Variants in ATP2A3 observed in about 807,000 individuals in gnomAD.
The protein encoded by ATP2A3 is sarcoplasmic/endoplasmic reticulum calcium ATPase 3.
Under a neutral mutation model 106.8 loss-of-function variants are expected in ATP2A3, and 61 were observed. The ratio of observed to expected loss-of-function variants is 0.57; its 90% CI spans 0.46 to 0.71. The LOEUF is 0.71. Ranked by LOEUF, ATP2A3 falls within the 30% of genes least tolerant of loss-of-function variation. ATP2A3 has a pLI of 0.00. For missense variants in ATP2A3, 1,201 were observed against 1,423.5 expected (o/e 0.84, Z 2.52); for synonymous variants, 611 against 609.3 (o/e 1.00, Z -0.04).
In ATP2A3 at chr17:3,943,518, T is replaced by C; in HGVS notation, c.1292A>G (p.Lys431Arg). 6.2e-7 allele frequency: 1 copy of C among 1,614,034 alleles called. No individual in the cohort carries two copies. Among genetic ancestry groups the C allele is most frequent in the Non-Finnish European group, 8.5e-7 (1 of 1,179,956 alleles). The change falls in exon 11 of 21, where the codon AAG becomes AGG. Residue 431 changes from lysine (K) to arginine (R), a missense_variant. Physicochemically the swap from Lys to Arg is conservative, Grantham distance 26. This residue lies in a region of ATP2A3 where 935 missense variants were observed against 1,176.7 expected (regional missense o/e 0.79). Transcript: ENST00000397041. Reference sequence around the variant, plus strand: ...CTCTCCCACCTTCTCATACACACCCTTGGCCTGGCAAGGACCCAGGGGATA... The same window carrying C: ...CTCTCCCACCTTCTCATACACACCCCTGGCCTGGCAAGGACCCAGGGGATA... ...NDSALDYNEA[K>R]GVYEKVGEAT...
Position 3,947,433 on chromosome 17 carries a change from G to A in ATP2A3, c.1053C>T (p.Asp351=), listed in dbSNP as rs1266729095. The change falls in exon 8 of 21, where the codon GAC becomes GAT. Residue 351 remains aspartate, a synonymous_variant. Coordinates refer to ENST00000397041, the MANE Select transcript of ATP2A3 (RefSeq NM_005173.4). The surrounding 1 kb of genome is among the most constrained non-coding windows in gnomAD (Gnocchi z 7.7). ...GATTGGTGGTGAGCGTGCCCGTCTT[G>A]TCGGAGCAGATGACTGAGGTGCAGC... ...TLGCTSVICS[D]KTGTLTTNQM... The A allele has an allele frequency of 6.2e-7, 1 of 1,613,812 alleles. No homozygotes were observed. The highest frequency in any genetic ancestry group is 8.5e-7 in the Non-Finnish European group (1 of 1,180,056).
chr17:3,953,021 C>G lies in ATP2A3; in HGVS notation c.219+326G>C, dbSNP rs1186724950. ...CCACCCCGACAAAGAATGATCTGGTCTAAACTATCAGTAGTGCTGAGGCAG... is the reference window on the plus strand; with the variant it reads ...CCACCCCGACAAAGAATGATCTGGTGTAAACTATCAGTAGTGCTGAGGCAG... On this transcript the variant is annotated intron_variant, in intron 3 of 20. Coordinates refer to ENST00000397041, the MANE Select transcript of ATP2A3 (RefSeq NM_005173.4). This position sits in a 1 kb window ranked among gnomAD's most constrained non-coding sequence, Gnocchi z 5.1. Among the ~76,000 whole-genome samples, 2 of 152,144 alleles carry G rather than the reference C, an allele frequency of 1.3e-5. No homozygotes were observed. The highest frequency in any genetic ancestry group is 2.9e-5 in the Non-Finnish European group (2 of 68,024).
At position 3,928,697 on chromosome 17, in the gene ATP2A3, C is replaced by T. The variant is rs865847575; in HGVS notation, c.2946G>A (p.Glu982=). ...GGTTCCGGGACAGGTACTTGAGGGC[C>T]TCATCCAGCAGGATGACAGGCAGAG... The part of the protein sequence containing the change: ...QISLPVILLD[E]ALKYLSRNHM... The change falls in exon 20 of 21, where the codon GAG becomes GAA. Residue 982 remains glutamate, a synonymous_variant. Coordinates refer to ENST00000397041, the MANE Select transcript of ATP2A3 (RefSeq NM_005173.4). This position sits in a 1 kb window ranked among gnomAD's most constrained non-coding sequence, Gnocchi z 6.1. The T allele has an allele frequency of 4.5e-6, 7 of 1,551,402 alleles. No individual in the cohort carries two copies. The highest frequency in any genetic ancestry group is 6.1e-6 in the Non-Finnish European group (7 of 1,147,146).
In ATP2A3 at chr17:3,936,860, G is replaced by T. The variant is rs1052184574; in HGVS notation, c.2322-391C>A. ...AACACCTACATATCTGCCCTGAGGT[G>T]CAGAGATGCAGAATCCATCCATGTC... On this transcript the variant is annotated intron_variant, in intron 15 of 20. Coordinates refer to ENST00000397041, the MANE Select transcript of ATP2A3 (RefSeq NM_005173.4). This position sits in a 1 kb window ranked among gnomAD's most constrained non-coding sequence, Gnocchi z 5.4. The T allele has an allele frequency of 1.5e-5, 5 of 342,590 alleles. No homozygotes were observed. The highest frequency in any genetic ancestry group is 6.4e-5 in the African/African-American group (3 of 47,174). 21.2% of individuals were successfully genotyped at this position (342,590 alleles called of 1,614,324 possible).
intron 7 of ATP2A3, among the ~76,000 whole-genome samples, chr17:3,949,540 C>G (rs1283790707): frequency 6.6e-6 from 1 of 152,194 alleles, no homozygotes; most frequent in Non-Finnish European, 1.5e-5. Context: ...CTGCCCTTCT[C>G]CAGGGGAAGG....
rs1597563195 is a variant in ATP2A3, at chr17:3,928,602, A to G, written c.2980+61T>C. 3 of 1,405,566 alleles carry G rather than the reference A, an allele frequency of 2.1e-6. No individual in the cohort carries two copies. The East Asian group carries it at 7.5e-5, about 35-fold the overall frequency. 87.1% of individuals were successfully genotyped at this position (1,405,566 alleles called of 1,614,324 possible). On this transcript the variant is annotated intron_variant, in intron 20 of 20. Transcript: ENST00000397041. The surrounding 1 kb of genome is among the most constrained non-coding windows in gnomAD (Gnocchi z 6.1). ...GCTCCACACCCACAGCGTCCACTGC[A>G]GCCCAGGAGCAGAGGCGGGCGGGGA...
At chr17:3,954,204 C>T (rs8081473) in intron 1 of ATP2A3, among the ~76,000 whole-genome samples, 23,862 of 152,102 alleles carry the variant, frequency 0.16, 2,079 homozygotes, top group Middle Eastern at 0.21. Flanking sequence ...AGGCGCCTTC[C>T]GCTCACCCTG....
Position 3,947,845 on chromosome 17 carries a change from A to C in ATP2A3, c.641T>G (p.Ile214Ser). ...CACACCCACCGCTTTGCCCGATGTG[A>C]TATTGGTGCCCTGGCCAGGGGAGGG... ...KKNMLFSGTN[I>S]TSGKAVGVAV... The change falls in exon 8 of 21, where the codon ATC becomes AGC. Residue 214 changes from isoleucine (I) to serine (S), a missense_variant. Ile to Ser is a moderately radical substitution (Grantham distance 142, BLOSUM62 -2). Around this residue, in one of 2 missense-constraint regions of ATP2A3, gnomAD observed 935 missense variants for 1,176.7 expected, o/e 0.79. Transcript: ENST00000397041. The surrounding 1 kb of genome is among the most constrained non-coding windows in gnomAD (Gnocchi z 7.7). The C allele has an allele frequency of 6.3e-7, 1 of 1,598,588 alleles. No individual in the cohort carries two copies. Among genetic ancestry groups the C allele is most frequent in the Non-Finnish European group, 8.5e-7 (1 of 1,179,854 alleles).
rs200978093 is a variant in ATP2A3 at position 3,943,534 on chromosome 17, C to A, written c.1288-12G>T. The stretch of plus-strand genomic sequence containing the variant: ...TACACACCCTTGGCCTGGCAAGGAC[C>A]CAGGGGATAGGGAGTGAGGGGCAGG... On this transcript the variant is annotated splice_polypyrimidine_tract_variant and intron_variant, in intron 10 of 20. Coordinates refer to ENST00000397041, the MANE Select transcript of ATP2A3 (RefSeq NM_005173.4). 104 of 1,614,032 alleles carry A rather than the reference C, an allele frequency of 6.4e-5. No homozygotes were observed. In the East Asian group the frequency reaches 2.1e-3, roughly 32 times the overall value.
intron 14 of ATP2A3, among the ~76,000 whole-genome samples, chr17:3,940,041 T>TG (rs1177180892): frequency 6.5e-5 from 6 of 92,566 alleles, no homozygotes; most frequent in African/African-American, 3.3e-4. Flanking sequence ...CTTTTTTTTT[T>TG]TGTTTTTTGT....
intron 7 of ATP2A3, among the ~76,000 whole-genome samples, chr17:3,949,263 T>C (rs2144615599): frequency 6.6e-6 from 1 of 152,288 alleles, no homozygotes; most frequent in East Asian, 1.9e-4. Flanking sequence ...TGACCCTTCC[T>C]TGTGCCCCTA....
rs2053472271 is a variant in ATP2A3, at chr17:3,936,768, GGCAT to G, written c.2322-303_2322-300del. ...CACACACACACACGCACACGAAGAG[GGCAT>G]GCCCAAGAATCAGACATGTGCAAAA... On this transcript the variant is annotated intron_variant, in intron 15 of 20. Transcript: ENST00000397041. This position sits in a 1 kb window ranked among gnomAD's most constrained non-coding sequence, Gnocchi z 5.4. 2 of 453,108 alleles carry G rather than the reference GGCAT, an allele frequency of 4.4e-6. No homozygotes were observed. Among genetic ancestry groups the G allele is most frequent in the Middle Eastern group, 6.5e-4 (1 of 1,542 alleles). 28.1% of individuals were successfully genotyped at this position (453,108 alleles called of 1,614,324 possible). A position where few individuals can be genotyped will look rare whatever the true frequency, so the allele number is the denominator to read the frequency against.
At position 3,942,562 on chromosome 17, in the gene ATP2A3, C is replaced by G. The variant is rs767437264; in HGVS notation, c.1545+44G>C. 4 of 1,598,474 alleles carry G rather than the reference C, an allele frequency of 2.5e-6. No homozygotes were observed. In the African/African-American group the frequency reaches 5.3e-5, roughly 21 times the overall value. ...ACAGAGGAGCGTGGATGACCAGGTTCCCCAGGGCGCGCAGGGGCCCAGGCC... is the reference window on the plus strand; with the variant it reads ...ACAGAGGAGCGTGGATGACCAGGTTGCCCAGGGCGCGCAGGGGCCCAGGCC... On this transcript the variant is annotated intron_variant, in intron 12 of 20. Coordinates refer to ENST00000397041, the MANE Select transcript of ATP2A3 (RefSeq NM_005173.4).
chr17:3,941,220 C>A lies in ATP2A3; in HGVS notation c.1851G>T (p.Ala617=). Reference sequence around the variant, plus strand: ...CCGTGATCATGACCACGCGGATGCCCGCCTGGTAGCAGCGTGTGATGCAGG... The same window carrying A: ...CCGTGATCATGACCACGCGGATGCCAGCCTGGTAGCAGCGTGTGATGCAGG... The part of the protein sequence containing the change: ...VAACITRCYQ[A]GIRVVMITGD... Residue 617 remains alanine (A), a synonymous_variant, in exon 14 of 21, where the codon GCG becomes GCT. Transcript: ENST00000397041. 1.9e-6 allele frequency: 3 copies of A among 1,614,116 alleles called. No individual in the cohort carries two copies. Among genetic ancestry groups the A allele is most frequent in the Non-Finnish European group, 2.5e-6 (3 of 1,180,028 alleles).
chr17:3,954,491 GTGC>G lies in ATP2A3; in HGVS notation c.119-784_119-782del, dbSNP rs1365793902. Among the ~76,000 whole-genome samples, 10 of 141,250 alleles carry G rather than the reference GTGC, an allele frequency of 7.1e-5. No homozygotes were observed. The East Asian group carries it at 1.0e-3, about 14-fold the overall frequency. The allele number at this position is 141,250 out of a possible 152,430, so 92.7% of individuals were successfully genotyped here. A position where few individuals can be genotyped will look rare whatever the true frequency, so the allele number is the denominator to read the frequency against. ...TCTAACAGCACCCACCTCAATTGAG[GTGC>G]TGATTTTTTTTTTTTTTTTTTTAAG... On this transcript the variant is annotated intron_variant, in intron 1 of 20. Transcript: ENST00000397041.
At position 3,937,615 on chromosome 17, in the gene ATP2A3, C is replaced by T. The variant is rs545439476; in HGVS notation, c.2122G>A (p.Ala708Thr). The change falls in exon 15 of 21, where the codon GCA becomes ACA. Residue 708 changes from alanine to threonine, a missense_variant. Ala to Thr is a moderately conservative substitution (Grantham distance 58, BLOSUM62 0). Transcript: ENST00000397041. ...TAMTGDGVND[A>T]PALKKAEIGI... ...ATCTCTGCTTTCTTCAGGGCTGGTG[C>T]GTCGTTCACTCCATCGCCAGTCTGT... The T allele has an allele frequency of 1.4e-5, 22 of 1,613,846 alleles. No homozygotes were observed. The highest frequency in any genetic ancestry group is 6.7e-5 in the African/African-American group (5 of 75,032).
Position 3,951,200 on chromosome 17 carries a change from T to TA in ATP2A3, c.463+50dup, listed in dbSNP as rs757483767. On this transcript the variant is annotated intron_variant, in intron 5 of 20. Coordinates refer to ENST00000397041, the MANE Select transcript of ATP2A3 (RefSeq NM_005173.4). ...AAAATAAATAAATAAATAAATAAAATAAATAAATAAATAAAATAAAATAAA... is the reference window on the plus strand; with the variant it reads ...AAAATAAATAAATAAATAAATAAAATAAAATAAATAAATAAAATAAAATAAA... 2,005 of 1,210,160 alleles carry TA rather than the reference T, an allele frequency of 1.7e-3. 1 individual carries two copies. Among genetic ancestry groups the TA allele is most frequent in the Non-Finnish European group, 2.0e-3 (1,895 of 955,050 alleles). The allele number at this position is 1,210,160 out of a possible 1,614,324, so 75.0% of individuals were successfully genotyped here. A position where few individuals can be genotyped will look rare whatever the true frequency, so the allele number is the denominator to read the frequency against.
intron 1 of ATP2A3, among the ~76,000 whole-genome samples, chr17:3,963,825 C>A (rs1165068251): frequency 1.3e-5 from 2 of 152,162 alleles, no homozygotes; most frequent in Non-Finnish European, 2.9e-5. Flanking sequence ...CTGCAGGATG[C>A]CAGCGGGAGC....
At position 3,930,486 on chromosome 17, in the gene ATP2A3, G is replaced by A. The variant is rs1406545838; in HGVS notation, c.2611-52C>T. The A allele has an allele frequency of 6.2e-7, 1 of 1,608,722 alleles. No individual in the cohort carries two copies. The highest frequency in any genetic ancestry group is 8.5e-7 in the Non-Finnish European group (1 of 1,179,060). On this transcript the variant is annotated intron_variant, in intron 17 of 20. Coordinates refer to ENST00000397041, the MANE Select transcript of ATP2A3 (RefSeq NM_005173.4). This position sits in a 1 kb window ranked among gnomAD's most constrained non-coding sequence, Gnocchi z 5.4. The stretch of plus-strand genomic sequence containing the variant: ...GAGCGGCAGGTCAGGCGAGGGGCTG[G>A]TGGGTGGGAGGAGGGAAGCCTCATC...
Sources: allele counts gnomAD v4.1 joint callset (sites outside exome capture counted in the v4.1 genomes callset), GRCh38; gene constraint gnomAD v4.1.1; regional missense constraint gnomAD v4.1.1; non-coding constraint Gnocchi (gnomAD v3.1); transcripts MANE v1.5; gene names NCBI Gene and HGNC (gene_info 2026-07-23, HGNC 2026-07-21).